MSMB: variants seen among roughly 807,000 people sequenced by gnomAD.
MSMB encodes the protein beta-microseminoprotein.
MSMB carries 10 observed loss-of-function variants against 10.5 expected under a neutral mutation model. That is an observed-to-expected ratio of 0.95 (90% CI 0.59 to 1.62). The LOEUF is 1.62. Ranked by LOEUF, MSMB falls within the 40% of genes most tolerant of loss-of-function variation. The probability of loss-of-function intolerance (pLI) is 0.00; values close to 1 mark genes in which losing one functional copy is unlikely to be tolerated. For missense variants in MSMB, 126 were observed against 137.4 expected (o/e 0.92, Z 0.42); for synonymous variants, 43 against 46.5 (o/e 0.93, Z 0.30).
chr10:46,038,136 T>C (rs1840651458), intron 3 of MSMB, among the ~76,000 whole-genome samples: 1 of 152,190 alleles, frequency 6.6e-6, no homozygotes, highest in Non-Finnish European at 1.5e-5. Context: ...GGAGAGTGAC[T>C]GCTTAATGGG....
chr10:46,043,236 A>C (rs1158261946), intron 1 of MSMB, among the ~76,000 whole-genome samples: 2 of 152,182 alleles, frequency 1.3e-5, no homozygotes, highest in Non-Finnish European at 2.9e-5. Context: ...GCATCCCAGG[A>C]CAAGTGACAT....
Position 46,033,382 on chromosome 10 carries a change from T to C in MSMB, c.*40A>G, listed in dbSNP as rs1188425932. On this transcript the variant is annotated 3_prime_UTR_variant, in exon 4 of 4. Coordinates refer to ENST00000582163, the MANE Select transcript of MSMB (RefSeq NM_002443.4). ...TTGACTATTAGAGGCCAGAGGAGAATGAGGCCTGGCCTGGGAGCCCTGTGC... is the reference window on the plus strand; with the variant it reads ...TTGACTATTAGAGGCCAGAGGAGAACGAGGCCTGGCCTGGGAGCCCTGTGC... 1 of 1,608,492 alleles carries C rather than the reference T, an allele frequency of 6.2e-7. No homozygotes were observed. Among genetic ancestry groups the C allele is most frequent in the Admixed American group, 1.7e-5 (1 of 59,476 alleles).
At chr10:46,034,880 C>T (rs1271072955) in intron 3 of MSMB, among the ~76,000 whole-genome samples, 2 of 151,750 alleles carry the variant, frequency 1.3e-5, no homozygotes, top group Non-Finnish European at 2.9e-5. Flanking sequence ...GTGGCACATG[C>T]CTGTAATCCC....
intron 3 of MSMB, among the ~76,000 whole-genome samples, chr10:46,037,826 A>G (rs781979318): frequency 6.6e-6 from 1 of 152,220 alleles, no homozygotes; most frequent in Non-Finnish European, 1.5e-5. Flanking sequence ...TCAAGTTTCA[A>G]AAACAACAGA....
At chr10:46,038,530 C>T (rs146063327) in intron 3 of MSMB, among the ~76,000 whole-genome samples, 19 of 152,120 alleles carry the variant, frequency 1.2e-4, no homozygotes, top group South Asian at 6.2e-4. Context: ...CCTCGTGATC[C>T]GCCCGCTTCG....
intron 1 of MSMB, among the ~76,000 whole-genome samples, chr10:46,044,417 A>T (rs1554929108): frequency 2.0e-5 from 3 of 150,146 alleles, no homozygotes; most frequent in African/African-American, 7.4e-5. Context: ...TCTACTAAAA[A>T]TACAAAAAAT....
intron 3 of MSMB, among the ~76,000 whole-genome samples, chr10:46,037,118 C>T (rs1196436104): frequency 6.6e-6 from 1 of 152,200 alleles, no homozygotes; most frequent in Non-Finnish European, 1.5e-5. Flanking sequence ...TCTCCAGGCA[C>T]TTCAAGTTCA....
chr10:46,041,344 CAAA>C (rs60728604), intron 1 of MSMB, among the ~76,000 whole-genome samples: 4 of 96,600 alleles, frequency 4.1e-5, no homozygotes, highest in African/African-American at 3.0e-5. Context: ...GACTCCGTCT[CAAA>C]AAAAAAAAAA....
intron 3 of MSMB, among the ~76,000 whole-genome samples, chr10:46,038,387 A>C (rs1840662454): frequency 6.6e-6 from 1 of 151,296 alleles, no homozygotes; most frequent in Non-Finnish European, 1.5e-5. Context: ...TCCCGGGTTC[A>C]CGCCATTCTC....
rs571244740 is a variant in MSMB, at chr10:46,041,268, C to T, written c.4-1177G>A. ...GCTGAGGTGGGAGAATCACTTGAGCCTGGGAGGCGGAGGTTGCAGTGAGCC... is the reference window on the plus strand; with the variant it reads ...GCTGAGGTGGGAGAATCACTTGAGCTTGGGAGGCGGAGGTTGCAGTGAGCC... On this transcript the variant is annotated intron_variant, in intron 1 of 3. Transcript: ENST00000582163. Among the ~76,000 whole-genome samples the T allele has an allele frequency of 3.7e-3, 548 of 149,080 alleles. 2 individuals carry two copies. Among genetic ancestry groups the T allele is most frequent in the Non-Finnish European group, 5.0e-3 (339 of 67,716 alleles).
At chr10:46,033,771 G>A (rs1427022100) in intron 3 of MSMB, among the ~76,000 whole-genome samples, 6 of 152,222 alleles carry the variant, frequency 3.9e-5, no homozygotes, top group Non-Finnish European at 7.3e-5. Context: ...AAGGTCATCA[G>A]TAGGTGCTGA....
At chr10:46,037,289 A>G (rs192362024) in intron 3 of MSMB, among the ~76,000 whole-genome samples, 1 of 152,174 alleles carries the variant, frequency 6.6e-6, no homozygotes. Context: ...TCTGTATTTC[A>G]TCAAGCTTCC....
chr10:46,033,719 G>A (rs113228270), intron 3 of MSMB, among the ~76,000 whole-genome samples, 168 bp from the exon 4 acceptor site: 2,711 of 152,284 alleles, frequency 0.018, 84 homozygotes, highest in African/African-American at 0.061. Flanking sequence ...CTGTACCATA[G>A]AGTCACACAG....
chr10:46,033,650 C>G (rs1329459279), intron 3 of MSMB, 99 bp from the exon 4 acceptor site: 6 of 1,537,074 alleles, frequency 3.9e-6, no homozygotes, highest in Admixed American at 1.9e-5. Flanking sequence ...CACACTCCAA[C>G]TTAAGGGCAC....
At chr10:46,038,570 G>T (rs888947233) in intron 3 of MSMB, among the ~76,000 whole-genome samples, 1 of 152,142 alleles carries the variant, frequency 6.6e-6, no homozygotes, top group Non-Finnish European at 1.5e-5. Context: ...TTACAGGCGT[G>T]AGCCATTGTG....
intron 3 of MSMB, among the ~76,000 whole-genome samples, chr10:46,033,980 T>C (rs75172952): frequency 0.022 from 3,424 of 152,268 alleles, 142 homozygotes; most frequent in African/African-American, 0.078. Context: ...TCCAGGCCAG[T>C]GTCATGGAGC....
At chr10:46,044,344 A>G (rs546442262) in intron 1 of MSMB, among the ~76,000 whole-genome samples, 1 of 151,818 alleles carries the variant, frequency 6.6e-6, no homozygotes, top group Admixed American at 6.6e-5. Flanking sequence ...TGGGAGGCCG[A>G]GGCGGGTGGA....
intron 3 of MSMB, among the ~76,000 whole-genome samples, chr10:46,035,169 T>C (rs1840573497): frequency 6.6e-6 from 1 of 152,206 alleles, no homozygotes; most frequent in Non-Finnish European, 1.5e-5. Context: ...TAAAGGTGAT[T>C]GCTGGCTGGT....
Sources: gnomAD v4.1 joint callset for allele counts (sites outside exome capture counted in the v4.1 genomes callset) on GRCh38, gnomAD v4.1.1 for gene constraint, MANE v1.5 for transcripts, NCBI Gene and HGNC (gene_info 2026-07-23, HGNC 2026-07-21) for gene names.